Variants in RAC1 observed in about 807,000 individuals in gnomAD.
The protein encoded by RAC1 is ras-related C3 botulinum toxin substrate 1.
RAC1 carries 2 observed loss-of-function variants against 25.2 expected under a neutral mutation model. The ratio of observed to expected loss-of-function variants is 0.08; its 90% CI spans 0.03 to 0.25. The LOEUF (loss-of-function observed/expected upper bound fraction) is 0.25, where lower values mean the gene tolerates loss of function less well. Among genes scored for constraint, RAC1 ranks in the 10% least tolerant of loss-of-function variants. The pLI is 1.00. For missense variants in RAC1, 50 were observed against 235.7 expected (o/e 0.21, Z 5.16); for synonymous variants, 88 against 94.0 (o/e 0.94, Z 0.37).
chr7:6,397,865 T>C (rs1224980144), intron 3 of RAC1, among the ~76,000 whole-genome samples: 1 of 152,166 alleles, frequency 6.6e-6, no homozygotes, highest in Non-Finnish European at 1.5e-5. Flanking sequence ...GGTGTGTGCC[T>C]GTAGTCCCAG....
At chr7:6,401,643 G>A (rs1175198921) in intron 4 of RAC1, 5 of 372,988 alleles carry the variant, frequency 1.3e-5, no homozygotes, top group African/African-American at 1.0e-4. Context: ...TCCGGTCGTG[G>A]TTCTGTCCAG....
At chr7:6,377,721 T>C (rs1782647290) in intron 1 of RAC1, among the ~76,000 whole-genome samples, 1 of 151,656 alleles carries the variant, frequency 6.6e-6, no homozygotes, top group African/African-American at 2.4e-5. Flanking sequence ...TTGAGACCAG[T>C]CTGGCCAATA....
chr7:6,387,622 G>A (rs374983414), intron 2 of RAC1, among the ~76,000 whole-genome samples: 2 of 152,210 alleles, frequency 1.3e-5, no homozygotes, highest in South Asian at 4.1e-4. Context: ...ATACTTGGGA[G>A]GCTGAGGCAG....
intron 2 of RAC1, 30 bp from the exon 3 acceptor site, chr7:6,391,894 G>A: frequency 6.2e-7 from 1 of 1,613,822 alleles, no homozygotes; most frequent in Non-Finnish European, 8.5e-7. Context: ...TTCTACACCT[G>A]TGACTAACCA....
intron 3 of RAC1, among the ~76,000 whole-genome samples, chr7:6,393,673 T>C (rs1303370521): frequency 6.6e-6 from 1 of 152,198 alleles, no homozygotes; most frequent in Non-Finnish European, 1.5e-5. Context: ...TGTGGACTGC[T>C]TTCCTATAAA....
intron 3 of RAC1, among the ~76,000 whole-genome samples, chr7:6,394,224 G>A (rs762416774): frequency 7.2e-5 from 11 of 152,124 alleles, no homozygotes; most frequent in Non-Finnish European, 1.2e-4. Flanking sequence ...CAGCTCTGTC[G>A]GGCTAAGTCT....
chr7:6,387,324 G>A, intron 2 of RAC1, 41 bp downstream of exon 2: 2 of 1,331,820 alleles, frequency 1.5e-6, no homozygotes, highest in Non-Finnish European at 2.1e-6. Context: ...TTGTGTTACG[G>A]GTTTCACATT....
Position 6,402,391 on chromosome 7 carries a change from C to G in RAC1, c.524C>G (p.Ala175Gly), listed in dbSNP as rs2115218743. 6.2e-7 allele frequency: 1 copy of G among 1,611,306 alleles called. No homozygotes were observed. The highest frequency in any genetic ancestry group is 8.5e-7 in the Non-Finnish European group (1 of 1,179,624). Residue 175 changes from alanine (A) to glycine (G), a missense_variant, in exon 6 of 6, where the codon GCA becomes GGA. By Grantham distance (60) the Ala-to-Gly change is moderately conservative. Coordinates refer to ENST00000348035, the MANE Select transcript of RAC1 (RefSeq NM_006908.5). ...ACAGTGTTTGACGAAGCGATCCGAG[C>G]AGTCCTCTGCCCGCCTCCCGTGAAG... ...LKTVFDEAIRAVLCPPPVKKR... is the reference protein window; with the variant it reads ...LKTVFDEAIRGVLCPPPVKKR...
At chr7:6,379,925 A>G (rs890626886) in intron 1 of RAC1, among the ~76,000 whole-genome samples, 3 of 151,888 alleles carry the variant, frequency 2.0e-5, no homozygotes, top group African/African-American at 7.3e-5. Context: ...CAACTATTTT[A>G]ATAGTGTTGT....
At chr7:6,390,618 AATG>A (rs1416532112) in intron 2 of RAC1, among the ~76,000 whole-genome samples, 1 of 151,724 alleles carries the variant, frequency 6.6e-6, no homozygotes, top group East Asian at 1.9e-4. Flanking sequence ...TAATAATAAT[AATG>A]ATAATACCAC....
intron 2 of RAC1, among the ~76,000 whole-genome samples, chr7:6,388,322 TTTGTTG>T (rs533656351): frequency 1.2e-3 from 177 of 151,330 alleles, no homozygotes; most frequent in Non-Finnish European, 2.2e-3. Context: ...TACCCATGTT[TTTGTTG>T]TTGTTGTTGT....
intron 1 of RAC1, among the ~76,000 whole-genome samples, chr7:6,383,153 C>A (rs1339138129): frequency 1.3e-5 from 2 of 152,138 alleles, no homozygotes; most frequent in East Asian, 3.9e-4. Context: ...GTAGTAACTA[C>A]CAGAAATTCT....
intron 1 of RAC1, among the ~76,000 whole-genome samples, chr7:6,381,632 C>G (rs1782768103): frequency 1.3e-5 from 2 of 152,116 alleles, no homozygotes; most frequent in African/African-American, 4.8e-5. Context: ...TAAGGTCAGA[C>G]AGTCCGCCCA....
At position 6,388,322 on chromosome 7, in the gene RAC1, TTTG is replaced by T. The variant is rs533656351; in HGVS notation, c.107+1057_107+1059del. Among the ~76,000 whole-genome samples the T allele has an allele frequency of 3.4e-4, 52 of 151,324 alleles. 1 individual carries two copies. Among genetic ancestry groups the T allele is most frequent in the Middle Eastern group, 3.4e-3 (1 of 294 alleles). Reference sequence around the variant, plus strand: ...CTCTCTGAAGTGTCGTACCCATGTTTTTGTTGTTGTTGTTGTTGTTTTCCTTTT... The same window carrying T: ...CTCTCTGAAGTGTCGTACCCATGTTTTTGTTGTTGTTGTTGTTTTCCTTTT... On this transcript the variant is annotated intron_variant, in intron 2 of 5. Coordinates refer to ENST00000348035, the MANE Select transcript of RAC1 (RefSeq NM_006908.5).
chr7:6,398,790 A>AT (rs1430454145), intron 3 of RAC1: 7 of 1,423,858 alleles, frequency 4.9e-6, no homozygotes, highest in Admixed American at 3.6e-5. Context: ...TTTTCCTAGG[A>AT]TTTTTTATTA....
At chr7:6,389,996 C>T (rs1237116402) in intron 2 of RAC1, among the ~76,000 whole-genome samples, 3 of 126,140 alleles carry the variant, frequency 2.4e-5, no homozygotes, top group Admixed American at 1.6e-4. Flanking sequence ...CCTCCTCTCC[C>T]TCCCTCTCTC....
intron 3 of RAC1, among the ~76,000 whole-genome samples, chr7:6,397,326 G>A (rs868093430): frequency 2.0e-5 from 3 of 151,550 alleles, no homozygotes; most frequent in Non-Finnish European, 4.4e-5. Flanking sequence ...ACAGGGTCTC[G>A]CTCTGTCACC....
At chr7:6,376,372 CGG>C (rs1782594487) in intron 1 of RAC1, among the ~76,000 whole-genome samples, 1 of 151,260 alleles carries the variant, frequency 6.6e-6, no homozygotes, top group South Asian at 2.1e-4. Flanking sequence ...TTAGTAGAGA[CGG>C]GGTTTCACCA....
chr7:6,375,822 G>A (rs945965572), intron 1 of RAC1: 2 of 152,060 alleles, frequency 1.3e-5, no homozygotes, highest in African/African-American at 4.8e-5. Context: ...CCTAGAGGAA[G>A]ACAAAACTTG....
Sources: allele counts gnomAD v4.1 joint callset (sites outside exome capture counted in the v4.1 genomes callset), GRCh38; gene constraint gnomAD v4.1.1; transcripts MANE v1.5; gene names NCBI Gene and HGNC (gene_info 2026-07-23, HGNC 2026-07-21).